PCDHGB2: variants seen among roughly 807,000 people sequenced by gnomAD.
PCDHGB2 encodes the protein protocadherin gamma-B2.
Under a neutral mutation model 59.3 loss-of-function variants are expected in PCDHGB2, and 55 were observed. The observed-to-expected ratio is 0.93, with a 90% CI of 0.75 to 1.16. The LOEUF (loss-of-function observed/expected upper bound fraction) is 1.16. Ranked by LOEUF, PCDHGB2 falls within the 50% of genes most tolerant of loss-of-function variation. The pLI is 0.00. For missense variants in PCDHGB2, 1,228 were observed against 1,198.5 expected (o/e 1.02, Z -0.36); for synonymous variants, 516 against 512.0 (o/e 1.01, Z -0.11).
At chr5:141,414,692 C>T (rs2095777962) in intron 1 of PCDHGB2, 1 of 1,613,918 alleles carries the variant, frequency 6.2e-7, no homozygotes, top group African/African-American at 1.3e-5. Flanking sequence ...GTACCTCTGT[C>T]CTCATACATA....
In PCDHGB2 at chr5:141,423,466, G is replaced by T. The variant is rs770939556; in HGVS notation, c.2421+60910G>T. On this transcript the variant is annotated intron_variant, in intron 1 of 3. Coordinates refer to ENST00000522605, the MANE Select transcript of PCDHGB2 (RefSeq NM_018923.3). Reference sequence around the variant, plus strand: ...GTCACATTTTGTAGGCGTGGACGGGGTACAGGCTTTCCTGCAAACCTATTC... The same window carrying T: ...GTCACATTTTGTAGGCGTGGACGGGTTACAGGCTTTCCTGCAAACCTATTC... 6 of 1,614,022 alleles carry T rather than the reference G, an allele frequency of 3.7e-6. No homozygotes were observed. In the Admixed American group the frequency reaches 5.0e-5, roughly 13 times the overall value.
At chr5:141,366,494 T>C (rs1764591738) in intron 1 of PCDHGB2, 2 of 1,614,234 alleles carry the variant, frequency 1.2e-6, no homozygotes. Context: ...CTGGCACAAG[T>C]CACGCCTGCT....
chr5:141,371,221 A>G, intron 1 of PCDHGB2: 1 of 1,614,064 alleles, frequency 6.2e-7, no homozygotes, highest in Non-Finnish European at 8.5e-7. Context: ...ATCAATGCCG[A>G]AATCATCTAT....
intron 2 of PCDHGB2, among the ~76,000 whole-genome samples, chr5:141,504,799 C>A (rs1474096570): frequency 6.6e-6 from 1 of 151,994 alleles, no homozygotes; most frequent in African/African-American, 2.4e-5. Context: ...CCTACATCTC[C>A]CCCTAGGTAC....
At chr5:141,507,896 G>A (rs1457319438) in intron 3 of PCDHGB2, among the ~76,000 whole-genome samples, 1 of 152,210 alleles carries the variant, frequency 6.6e-6, no homozygotes, top group African/African-American at 2.4e-5. Flanking sequence ...GGTTCCTGAA[G>A]TCCAGCCCAG....
chr5:141,361,921 G>A lies in PCDHGB2; in HGVS notation c.1786G>A (p.Ala596Thr), dbSNP rs1392187094. ...GGTGACCAAGGTGGTGGCGGTGGAC[G>A]CAGACTCAGGACACAACGCTTGGCT... ...YLVTKVVAVD[A>T]DSGHNAWLSY... is the part of the protein sequence containing the mutation. The change falls in exon 1 of 4, where the codon GCA becomes ACA. Residue 596 changes from alanine (A) to threonine (T), a missense_variant. Around this residue, in one of 3 missense-constraint regions of PCDHGB2, gnomAD observed 433 missense variants for 441.8 expected, o/e 0.98. Coordinates refer to ENST00000522605, the MANE Select transcript of PCDHGB2 (RefSeq NM_018923.3). 3.7e-6 allele frequency: 6 copies of A among 1,607,600 alleles called. No individual in the cohort carries two copies. Among genetic ancestry groups the A allele is most frequent in the Non-Finnish European group, 5.1e-6 (6 of 1,178,998 alleles).
intron 1 of PCDHGB2, chr5:141,468,381 G>A (rs1297428363): frequency 2.0e-5 from 3 of 149,754 alleles, no homozygotes; most frequent in South Asian, 2.1e-4. Flanking sequence ...AGCCATACAA[G>A]GCTACCCATT....
rs750033444 is a variant in PCDHGB2 at position 141,432,950 on chromosome 5, G to C, written c.2422-61857G>C. 1.2e-6 allele frequency: 2 copies of C among 1,614,190 alleles called. No homozygotes were observed. The highest frequency in any genetic ancestry group is 1.7e-6 in the Non-Finnish European group (2 of 1,180,032). ...ACGCCTGCTGCAGGCTTCAGGAGGC[G>C]GCTTGACAGGAGCGCCGGCGTCGCA... On this transcript the variant is annotated intron_variant, in intron 1 of 3. Transcript: ENST00000522605. The surrounding 1 kb of genome is among the most constrained non-coding windows in gnomAD (Gnocchi z 6.0).
chr5:141,502,866 C>CTT (rs549047197), intron 2 of PCDHGB2, among the ~76,000 whole-genome samples: 3 of 128,046 alleles, frequency 2.3e-5, no homozygotes, highest in Non-Finnish European at 3.2e-5. Flanking sequence ...GACTCTCTGT[C>CTT]TTTTTTTTTT....
intron 1 of PCDHGB2, chr5:141,384,566 A>G (rs1313512011): frequency 6.2e-7 from 1 of 1,614,244 alleles, no homozygotes; most frequent in African/African-American, 1.3e-5. Flanking sequence ...CTGGACCAGA[A>G]TGACAACCCG....
In PCDHGB2 at chr5:141,407,971, G is replaced by C. The variant is rs1399304138; in HGVS notation, c.2421+45415G>C. The C allele has an allele frequency of 7.0e-5, 50 of 717,762 alleles. No homozygotes were observed. In the South Asian group the frequency reaches 1.2e-3, roughly 17 times the overall value. 44.5% of individuals were successfully genotyped at this position (717,762 alleles called of 1,614,324 possible). On this transcript the variant is annotated intron_variant, in intron 1 of 3. Coordinates refer to ENST00000522605, the MANE Select transcript of PCDHGB2 (RefSeq NM_018923.3). The stretch of plus-strand genomic sequence containing the variant: ...CGGCCAGTGCAGAGCAAGCGCTGAC[G>C]CCGGGGATCCGTCAGCCTCTGGCCT...
Position 141,431,758 on chromosome 5 carries a change from C to T in PCDHGB2, c.2422-63049C>T. Reference sequence around the variant, plus strand: ...CAGGATATTCTGCGCGAGCCAAAGTCCTGATCACTGTTCTGGACGTGAACG... The same window carrying T: ...CAGGATATTCTGCGCGAGCCAAAGTTCTGATCACTGTTCTGGACGTGAACG... On this transcript the variant is annotated intron_variant, in intron 1 of 3. Transcript: ENST00000522605. This position sits in a 1 kb window ranked among gnomAD's most constrained non-coding sequence, Gnocchi z 4.8. 1.9e-6 allele frequency: 3 copies of T among 1,614,172 alleles called. No homozygotes were observed. The highest frequency in any genetic ancestry group is 1.7e-6 in the Non-Finnish European group (2 of 1,180,020).
At chr5:141,393,051 C>T in intron 1 of PCDHGB2, 1 of 1,613,622 alleles carries the variant, frequency 6.2e-7, no homozygotes, top group Non-Finnish European at 8.5e-7. Context: ...TCTGAACCCG[C>T]GCAGCGGCAG....
intron 1 of PCDHGB2, chr5:141,383,556 C>A: frequency 6.2e-7 from 1 of 1,612,766 alleles, no homozygotes; most frequent in Non-Finnish European, 8.5e-7. Context: ...ATGGCGGCGA[C>A]CCGCCCCGAT....
chr5:141,489,297 G>T lies in PCDHGB2; in HGVS notation c.2422-5510G>T. On this transcript the variant is annotated intron_variant, in intron 1 of 3. Transcript: ENST00000522605. This position sits in a 1 kb window ranked among gnomAD's most constrained non-coding sequence, Gnocchi z 4.5. Reference sequence around the variant, plus strand: ...GGAAATGGCAAGTGCTGTGCATGTTGTCCTTGTGCTGCTGGGGCTGGGTGT... The same window carrying T: ...GGAAATGGCAAGTGCTGTGCATGTTTTCCTTGTGCTGCTGGGGCTGGGTGT... 1.9e-6 allele frequency: 3 copies of T among 1,583,774 alleles called. No homozygotes were observed. Among genetic ancestry groups the T allele is most frequent in the Non-Finnish European group, 8.6e-7 (1 of 1,164,904 alleles).
intron 1 of PCDHGB2, among the ~76,000 whole-genome samples, chr5:141,467,854 T>C (rs1337373000): frequency 6.6e-6 from 1 of 151,968 alleles, no homozygotes; most frequent in Admixed American, 6.6e-5. Flanking sequence ...GAATGAGATT[T>C]CACCATGTTG....
intron 1 of PCDHGB2, chr5:141,366,719 G>A: frequency 6.2e-7 from 1 of 1,613,834 alleles, no homozygotes; most frequent in Non-Finnish European, 8.5e-7. Flanking sequence ...GTCTGATAAG[G>A]TAGATGCAAA....
chr5:141,403,850 G>A lies in PCDHGB2; in HGVS notation c.2421+41294G>A, dbSNP rs368454282. The A allele has an allele frequency of 1.4e-5, 23 of 1,613,634 alleles. No individual in the cohort carries two copies. In the African/African-American group the frequency reaches 3.1e-4, roughly 22 times the overall value. On this transcript the variant is annotated intron_variant, in intron 1 of 3. Coordinates refer to ENST00000522605, the MANE Select transcript of PCDHGB2 (RefSeq NM_018923.3). Reference sequence around the variant, plus strand: ...ATTCCAGCTTAATGAAAATACTGGGGAAATATCAACAGCAAAAAGTCTAGA... The same window carrying A: ...ATTCCAGCTTAATGAAAATACTGGGAAAATATCAACAGCAAAAAGTCTAGA...
rs201022484 is a variant in PCDHGB2, at chr5:141,376,043, C to T, written c.2421+13487C>T. On this transcript the variant is annotated intron_variant, in intron 1 of 3. Coordinates refer to ENST00000522605, the MANE Select transcript of PCDHGB2 (RefSeq NM_018923.3). ...CGTCCAGGACCACGGCCAGCCCCCTCTCTCCGCCACTGTCACGCTCACCGT... is the reference window on the plus strand; with the variant it reads ...CGTCCAGGACCACGGCCAGCCCCCTTTCTCCGCCACTGTCACGCTCACCGT... 7.1e-4 allele frequency: 1,140 copies of T among 1,613,172 alleles called. 2 individuals carry two copies. Among genetic ancestry groups the T allele is most frequent in the Non-Finnish European group, 8.8e-4 (1,041 of 1,179,846 alleles).
Sources: allele counts gnomAD v4.1 joint callset (sites outside exome capture counted in the v4.1 genomes callset), GRCh38; gene constraint gnomAD v4.1.1; regional missense constraint gnomAD v4.1.1; non-coding constraint Gnocchi (gnomAD v3.1); transcripts MANE v1.5; gene names NCBI Gene and HGNC (gene_info 2026-07-23, HGNC 2026-07-21).